LRRC63: variants seen among roughly 807,000 people sequenced by gnomAD.
LRRC63 encodes leucine-rich repeat-containing protein 63.
LRRC63 carries 40 observed loss-of-function variants against 49.5 expected under a neutral mutation model. That is an observed-to-expected ratio of 0.81 (90% confidence interval 0.63 to 1.05). The LOEUF (loss-of-function observed/expected upper bound fraction) is 1.05, where lower values mean the gene tolerates loss of function less well. Among genes scored for constraint, LRRC63 ranks in the 50% least tolerant of loss-of-function variants. The pLI, the probability that LRRC63 is intolerant of heterozygous loss-of-function variation, is 0.00. For missense variants in LRRC63, 636 were observed against 663.1 expected, an observed-to-expected ratio of 0.96 and a Z score of 0.45; for synonymous variants, 191 against 221.1, an observed-to-expected ratio of 0.86 and a Z score of 1.21.
At chr13:46,233,886 A>G (rs1047088146) in intron 4 of LRRC63, among the ~76,000 whole-genome samples, 1 of 152,218 alleles carries the variant, frequency 6.6e-6, no homozygotes, top group Non-Finnish European at 1.5e-5. Context: ...GAACATTTTT[A>G]CACATAGTAT....
intron 1 of LRRC63, 121 bp from the exon 2 acceptor site, chr13:46,212,881 C>G: frequency 2.0e-6 from 1 of 500,094 alleles, no homozygotes; most frequent in South Asian, 3.5e-5. Flanking sequence ...TAAAGGAATT[C>G]TGCCTGGATT....
At chr13:46,217,230 G>C (rs186749219) in intron 2 of LRRC63, among the ~76,000 whole-genome samples, 1 of 152,122 alleles carries the variant, frequency 6.6e-6, no homozygotes, top group African/African-American at 2.4e-5. Flanking sequence ...CTGTGAATCT[G>C]TCTGGTCCTG....
chr13:46,251,340 A>G (rs761184173), intron 7 of LRRC63, among the ~76,000 whole-genome samples: 1 of 151,930 alleles, frequency 6.6e-6, no homozygotes, highest in Non-Finnish European at 1.5e-5. Flanking sequence ...CCATTTCTGT[A>G]TAAAATGCAT....
intron 9 of LRRC63, chr13:46,270,370 C>G: frequency 1.2e-6 from 1 of 867,816 alleles, no homozygotes. Flanking sequence ...TTGCACCTCT[C>G]TGTAAGATTT....
chr13:46,267,682 A>T (rs1047290084), intron 9 of LRRC63, among the ~76,000 whole-genome samples: 6 of 152,222 alleles, frequency 3.9e-5, no homozygotes, highest in African/African-American at 1.4e-4. Context: ...TTAAAAATCT[A>T]CCAACGAAAA....
intron 2 of LRRC63, among the ~76,000 whole-genome samples, chr13:46,224,424 AT>A (rs2046508404): frequency 6.6e-6 from 1 of 152,140 alleles, no homozygotes; most frequent in African/African-American, 2.4e-5. Flanking sequence ...TTTCTTAAAA[AT>A]ATCTATCTAT....
chr13:46,243,835 G>C (rs571301839), intron 5 of LRRC63, among the ~76,000 whole-genome samples: 1 of 152,274 alleles, frequency 6.6e-6, no homozygotes, highest in South Asian at 2.1e-4. Context: ...CCTTAAGACT[G>C]TGTTTCTAGC....
intron 5 of LRRC63, among the ~76,000 whole-genome samples, chr13:46,238,194 C>T (rs1285245569): frequency 1.3e-5 from 2 of 152,156 alleles, no homozygotes; most frequent in Admixed American, 1.3e-4. Flanking sequence ...GACTCCCTCA[C>T]AATGAATAGT....
chr13:46,238,638 T>C (rs2046970925), intron 5 of LRRC63, among the ~76,000 whole-genome samples: 1 of 152,168 alleles, frequency 6.6e-6, no homozygotes, highest in Admixed American at 6.5e-5. Flanking sequence ...ACTTATTCAC[T>C]TTCAGCATGA....
Position 46,235,352 on chromosome 13 carries a change from A to G in LRRC63, c.990+1003A>G, listed in dbSNP as rs534116308. Among the ~76,000 whole-genome samples the G allele has an allele frequency of 4.6e-5, 7 of 152,334 alleles. No homozygotes were observed. In the South Asian group the frequency reaches 1.4e-3, roughly 32 times the overall value. Reference sequence around the variant, plus strand: ...GTCAAAGAATACAGACTTCACAAAAAAAGTTTAGAAAATTATTAAACAACC... The same window carrying G: ...GTCAAAGAATACAGACTTCACAAAAGAAGTTTAGAAAATTATTAAACAACC... On this transcript the variant is annotated intron_variant, in intron 5 of 9. Transcript: ENST00000595396.
rs1465572809 is a variant in LRRC63, at chr13:46,228,151, C to G, written c.725C>G (p.Pro242Arg). The G allele has an allele frequency of 2.6e-6, 4 of 1,549,568 alleles. No individual in the cohort carries two copies. The Admixed American group carries it at 5.9e-5, about 23-fold the overall frequency. Reference sequence around the variant, plus strand: ...CCAGGTTTTGTTTCCTTGCCAACACCAGTTTTACCAAGAAAACCTCACAGG... The same window carrying G: ...CCAGGTTTTGTTTCCTTGCCAACACGAGTTTTACCAAGAAAACCTCACAGG... Residue 242 changes from proline (P) to arginine (R), a missense_variant, in exon 3 of 10, where the codon CCA becomes CGA. Pro to Arg is a moderately radical substitution (Grantham distance 103). Transcript: ENST00000595396.
chr13:46,258,219 T>C (rs2047549776), intron 7 of LRRC63, among the ~76,000 whole-genome samples: 1 of 144,784 alleles, frequency 6.9e-6, no homozygotes, highest in Non-Finnish European at 1.5e-5. Context: ...AACCTCTGCC[T>C]CCTAGGTTCG....
At chr13:46,221,914 G>T (rs2046416489) in intron 2 of LRRC63, among the ~76,000 whole-genome samples, 1 of 152,192 alleles carries the variant, frequency 6.6e-6, no homozygotes, top group Admixed American at 6.5e-5. Flanking sequence ...GGAATGGCTA[G>T]GCTGAGATTG....
chr13:46,257,623 G>A (rs2047535241), intron 7 of LRRC63, among the ~76,000 whole-genome samples: 2 of 152,192 alleles, frequency 1.3e-5, no homozygotes, highest in Admixed American at 6.5e-5. Context: ...GATAGCTAAG[G>A]TAGGCCTTAT....
chr13:46,233,705 G>GA (rs2046827146), intron 4 of LRRC63, among the ~76,000 whole-genome samples: 1 of 152,088 alleles, frequency 6.6e-6, no homozygotes, highest in African/African-American at 2.4e-5. Context: ...TCCTATGGGG[G>GA]ATCTACAAAC....
intron 4 of LRRC63, among the ~76,000 whole-genome samples, chr13:46,228,964 C>G (rs561280033): frequency 1.3e-5 from 2 of 152,198 alleles, no homozygotes; most frequent in Non-Finnish European, 2.9e-5. Flanking sequence ...CACTCGTAAT[C>G]TGGGTGGGGT....
intron 6 of LRRC63, 143 bp from the exon 7 acceptor site, chr13:46,250,212 G>A: frequency 1.5e-6 from 1 of 658,978 alleles, no homozygotes; most frequent in Non-Finnish European, 2.5e-6. Flanking sequence ...TTGACCGAGG[G>A]TGTTTACTGA....
intron 5 of LRRC63, among the ~76,000 whole-genome samples, chr13:46,240,233 T>G (rs891898093): frequency 1.3e-5 from 2 of 151,676 alleles, no homozygotes; most frequent in Non-Finnish European, 2.9e-5. Context: ...TTCACGTCAT[T>G]CTCCTGCCTC....
At chr13:46,220,124 C>T (rs900692257) in intron 2 of LRRC63, among the ~76,000 whole-genome samples, 1 of 152,220 alleles carries the variant, frequency 6.6e-6, no homozygotes, top group African/African-American at 2.4e-5. Flanking sequence ...CTTAGCAGAG[C>T]TCAAGTGCTG....
Sources: gnomAD v4.1 joint callset for allele counts (sites outside exome capture counted in the v4.1 genomes callset) on GRCh38, gnomAD v4.1.1 for gene constraint, MANE v1.5 for transcripts, NCBI Gene and HGNC (gene_info 2026-07-23, HGNC 2026-07-21) for gene names.